Variants in KCNIP4 observed in about 807,000 individuals in gnomAD.
The protein encoded by KCNIP4 is Kv channel-interacting protein 4.
In KCNIP4, 12 loss-of-function variants were observed where a neutral mutation model predicts 34.0. The ratio of observed to expected loss-of-function variants is 0.35; its 90% CI spans 0.23 to 0.57. The LOEUF (loss-of-function observed/expected upper bound fraction) is 0.57. KCNIP4 is among the 20% of genes least tolerant of loss of function. The pLI, the probability that KCNIP4 is intolerant of heterozygous loss-of-function variation, is 0.83. For synonymous variants in KCNIP4, 124 were observed against 102.2 expected (o/e 1.21, Z -1.29); for missense variants, 238 against 311.7 (o/e 0.76, Z 1.78).
At chr4:21,552,066 CAA>C (rs71191519) in intron 1 of KCNIP4, among the ~76,000 whole-genome samples, 7 of 50,784 alleles carry the variant, frequency 1.4e-4, no homozygotes, top group Non-Finnish European at 2.2e-4. Context: ...AAAACAACAA[CAA>C]AAAAAAACCT....
chr4:21,668,166 G>A (rs1175485892), intron 1 of KCNIP4, among the ~76,000 whole-genome samples: 1 of 152,146 alleles, frequency 6.6e-6, no homozygotes, highest in African/African-American at 2.4e-5. Context: ...TCACTCATAA[G>A]TGGGAGTTGA....
chr4:21,180,659 A>ATGTG (rs146213301), intron 1 of KCNIP4, among the ~76,000 whole-genome samples: 1 of 149,600 alleles, frequency 6.7e-6, no homozygotes, highest in African/African-American at 2.4e-5. Flanking sequence ...TAATGTTTAT[A>ATGTG]TGTGTGTGTG....
Position 20,743,252 on chromosome 4 carries a change from A to C in KCNIP4, c.429+6410T>G, listed in dbSNP as rs1442698115. 2.3e-4 allele frequency among the ~76,000 whole-genome samples: 35 copies of C among 152,208 alleles called. 1 individual carries two copies. The highest frequency in any genetic ancestry group is 2.2e-3 in the Admixed American group (34 of 15,278). On this transcript the variant is annotated intron_variant, in intron 5 of 8. Coordinates refer to ENST00000382152, the MANE Select transcript of KCNIP4 (RefSeq NM_025221.6). ...TCAAGCTACCAATGACTTTCTTCACAAAATTGGAAAAAACTACTTTAAAGT... is the reference window on the plus strand; with the variant it reads ...TCAAGCTACCAATGACTTTCTTCACCAAATTGGAAAAAACTACTTTAAAGT...
intron 1 of KCNIP4, among the ~76,000 whole-genome samples, chr4:21,712,399 G>T (rs1189167250): frequency 6.6e-6 from 1 of 152,126 alleles, no homozygotes; most frequent in African/African-American, 2.4e-5. Flanking sequence ...GAAACAGGAT[G>T]GGGGGCGAGG....
intron 1 of KCNIP4, among the ~76,000 whole-genome samples, chr4:21,237,332 AC>A (rs2109039138): frequency 6.6e-6 from 1 of 152,218 alleles, no homozygotes; most frequent in South Asian, 2.1e-4. Context: ...ACATATATAA[AC>A]GAGTTCAGGC....
chr4:21,105,157 A>T (rs549643445), intron 1 of KCNIP4, among the ~76,000 whole-genome samples: 11 of 151,610 alleles, frequency 7.3e-5, no homozygotes, highest in South Asian at 2.1e-4. Context: ...CTTGATGGGG[A>T]TGGCATTGAA....
chr4:20,822,539 G>A (rs1446019801), intron 3 of KCNIP4, among the ~76,000 whole-genome samples: 3 of 152,146 alleles, frequency 2.0e-5, no homozygotes, highest in Non-Finnish European at 1.5e-5. Context: ...ACTTAAGGTA[G>A]AACTACCATT....
intron 1 of KCNIP4, among the ~76,000 whole-genome samples, chr4:21,735,487 T>C (rs1343287365): frequency 6.6e-6 from 1 of 152,206 alleles, no homozygotes; most frequent in Non-Finnish European, 1.5e-5. Flanking sequence ...TGCCAAATAA[T>C]GGAGTGCTGC....
chr4:21,232,876 A>G (rs982017411), intron 1 of KCNIP4, among the ~76,000 whole-genome samples: 48 of 152,288 alleles, frequency 3.2e-4, no homozygotes, highest in African/African-American at 1.2e-3. Flanking sequence ...TGATAACAGC[A>G]CAGGGACAGC....
chr4:21,045,722 A>G (rs1459761531), intron 1 of KCNIP4, among the ~76,000 whole-genome samples: 2 of 152,236 alleles, frequency 1.3e-5, no homozygotes, highest in Non-Finnish European at 2.9e-5. Context: ...AAATTGAATC[A>G]TGGAAAAATA....
At chr4:21,896,500 A>G (rs1010393057) in intron 1 of KCNIP4, among the ~76,000 whole-genome samples, 1 of 150,596 alleles carries the variant, frequency 6.6e-6, no homozygotes, top group African/African-American at 2.5e-5. Context: ...GTTGGAAGTC[A>G]GACAGAGAAG....
chr4:21,549,696 T>A (rs1262544823), intron 1 of KCNIP4, among the ~76,000 whole-genome samples: 2 of 152,080 alleles, frequency 1.3e-5, no homozygotes, highest in Non-Finnish European at 2.9e-5. Context: ...TCTATGTTAC[T>A]AATGATGAGA....
chr4:21,550,044 C>T (rs552967721), intron 1 of KCNIP4, among the ~76,000 whole-genome samples: 47 of 152,258 alleles, frequency 3.1e-4, no homozygotes, highest in South Asian at 6.2e-4. Flanking sequence ...TGGCAGCCTT[C>T]CATCTTCACT....
At chr4:21,392,219 C>G (rs1036611014) in intron 1 of KCNIP4, among the ~76,000 whole-genome samples, 13 of 152,176 alleles carry the variant, frequency 8.5e-5, no homozygotes, top group African/African-American at 3.1e-4. Context: ...CAAAACAATG[C>G]AACCCAAATG....
At chr4:21,168,538 C>T (rs188718662) in intron 1 of KCNIP4, among the ~76,000 whole-genome samples, 132 of 152,198 alleles carry the variant, frequency 8.7e-4, no homozygotes, top group African/African-American at 3.0e-3. Context: ...ACAGCTTTAC[C>T]GAAACTATCT....
At chr4:21,910,478 A>G (rs929212061) in intron 1 of KCNIP4, among the ~76,000 whole-genome samples, 9 of 152,180 alleles carry the variant, frequency 5.9e-5, no homozygotes, top group African/African-American at 2.2e-4. Context: ...TGATTTCATC[A>G]TAGAATTAAA....
intron 1 of KCNIP4, among the ~76,000 whole-genome samples, chr4:21,106,895 T>A (rs1748597094): frequency 1.3e-5 from 2 of 151,610 alleles, no homozygotes; most frequent in Non-Finnish European, 2.9e-5. Flanking sequence ...AGTTTCCATG[T>A]AGTTGAGCAG....
At chr4:21,407,237 A>G (rs552240186) in intron 1 of KCNIP4, among the ~76,000 whole-genome samples, 1 of 151,752 alleles carries the variant, frequency 6.6e-6, no homozygotes, top group Admixed American at 6.6e-5. Flanking sequence ...ACTTTCCCCC[A>G]CAGAGAGTCA....
intron 1 of KCNIP4, among the ~76,000 whole-genome samples, chr4:21,305,366 A>G (rs1188898494): frequency 6.6e-6 from 1 of 152,216 alleles, no homozygotes; most frequent in Non-Finnish European, 1.5e-5. Context: ...GTCCTCATCT[A>G]TGAAGAGAGG....
Sources: allele counts gnomAD v4.1 joint callset (sites outside exome capture counted in the v4.1 genomes callset), GRCh38; gene constraint gnomAD v4.1.1; transcripts MANE v1.5; gene names NCBI Gene and HGNC (gene_info 2026-07-23, HGNC 2026-07-21).